The following PSME4 variants were observed in gnomAD, a reference collection of about 807,000 sequenced individuals.
PSME4 encodes the protein proteasome activator subunit 4.
Under a neutral mutation model 253.9 loss-of-function variants are expected in PSME4, and 89 were observed. The ratio of observed to expected loss-of-function variants is 0.35; its 90% confidence interval spans 0.30 to 0.42. PSME4 has a LOEUF of 0.42. Among genes scored for constraint, PSME4 ranks in the 10% least tolerant of loss-of-function variants. PSME4 has a pLI of 1.00. For synonymous variants in PSME4, 851 were observed against 759.2 expected, an observed-to-expected ratio of 1.12 and a Z score of -1.99; for missense variants, 2,014 against 2,195.2, an observed-to-expected ratio of 0.92 and a Z score of 1.65.
At chr2:53,936,710 G>T in intron 6 of PSME4, 54 bp downstream of exon 6, 1 of 1,249,346 alleles carries the variant, frequency 8.0e-7, no homozygotes, top group Non-Finnish European at 1.1e-6. Context: ...GTATGGGGGG[G>T]AAAAAAGAAA....
chr2:53,932,064 T>C lies in PSME4; in HGVS notation c.1087A>G (p.Ser363Gly). The part of the protein sequence containing the change: ...LMKLLQRLPN[S>G]VVRRLHRERY... ...TCACGATGCAATCTTCTAACAACAC[T>C]GTTTGGCAACCGCTGAAGTAGTTTC... Residue 363 changes from serine (S) to glycine (G), a missense_variant, in exon 10 of 47, where the codon AGT becomes GGT. Transcript: ENST00000404125. 1 of 1,614,122 alleles carries C rather than the reference T, an allele frequency of 6.2e-7. No individual in the cohort carries two copies. Among genetic ancestry groups the C allele is most frequent in the Admixed American group, 1.7e-5 (1 of 60,012 alleles).
At chr2:53,897,068 C>T (rs1365547181) in intron 31 of PSME4, among the ~76,000 whole-genome samples, 183 bp from the exon 32 acceptor site, 1 of 152,124 alleles carries the variant, frequency 6.6e-6, no homozygotes, top group South Asian at 2.1e-4. Flanking sequence ...GCAGTTCTTA[C>T]TCTACAGTCT....
chr2:53,938,636 T>A (rs942010592), intron 4 of PSME4, among the ~76,000 whole-genome samples: 1 of 152,112 alleles, frequency 6.6e-6, no homozygotes, highest in Admixed American at 6.5e-5. Context: ...ACAAACAGCA[T>A]ATGAAAAATT....
At chr2:53,931,270 C>CA (rs908665524) in intron 10 of PSME4, among the ~76,000 whole-genome samples, 76 of 146,060 alleles carry the variant, frequency 5.2e-4, no homozygotes, top group African/African-American at 1.5e-3. Flanking sequence ...AATTTCATCT[C>CA]AAAAAAAAAA....
intron 3 of PSME4, among the ~76,000 whole-genome samples, chr2:53,942,567 T>C (rs146867191): frequency 0.011 from 1,744 of 152,202 alleles, 34 homozygotes; most frequent in African/African-American, 0.039. Flanking sequence ...AGTTATATTA[T>C]AGCTGTTTTC....
At chr2:53,921,941 G>C (rs997764600) in intron 17 of PSME4, among the ~76,000 whole-genome samples, 10 of 151,136 alleles carry the variant, frequency 6.6e-5, no homozygotes, top group African/African-American at 2.4e-4. Context: ...GGGAGGCTGA[G>C]GCAGGCGGAT....
chr2:53,967,797 C>G (rs805308), intron 1 of PSME4, among the ~76,000 whole-genome samples: 82,388 of 151,726 alleles, frequency 0.54, 22,660 homozygotes, highest in East Asian at 0.71. Flanking sequence ...GATAGTCCCA[C>G]TAACTCTCAA....
At chr2:53,919,780 A>T (rs1668214846) in intron 19 of PSME4, among the ~76,000 whole-genome samples, 1 of 152,264 alleles carries the variant, frequency 6.6e-6, no homozygotes, top group Admixed American at 6.5e-5. Context: ...TAATGGTTTC[A>T]AATACTTATT....
chr2:53,878,913 G>A (rs1195311209), intron 41 of PSME4, among the ~76,000 whole-genome samples: 1 of 152,062 alleles, frequency 6.6e-6, no homozygotes, highest in Non-Finnish European at 1.5e-5. Context: ...GGAAGTACGC[G>A]ATCTCTGTGA....
chr2:53,868,903 A>G (rs144687262), intron 44 of PSME4, among the ~76,000 whole-genome samples: 2 of 152,136 alleles, frequency 1.3e-5, no homozygotes, highest in African/African-American at 2.4e-5. Flanking sequence ...TCTTGTGTCT[A>G]TATTCAATTA....
chr2:53,957,116 T>A (rs35871796), intron 1 of PSME4, among the ~76,000 whole-genome samples: 154 of 152,298 alleles, frequency 1.0e-3, no homozygotes, highest in Admixed American at 2.7e-3. Context: ...CTGCCACTCC[T>A]ACAGGCACTC....
chr2:53,900,179 A>G (rs540848896), intron 28 of PSME4, among the ~76,000 whole-genome samples, 162 bp from the exon 29 acceptor site: 477 of 152,290 alleles, frequency 3.1e-3, no homozygotes, highest in Non-Finnish European at 5.0e-3. Context: ...AAATTTATTG[A>G]CAGAGAAAGT....
chr2:53,944,671 T>C (rs894527277), intron 3 of PSME4, among the ~76,000 whole-genome samples: 8 of 152,162 alleles, frequency 5.3e-5, no homozygotes, highest in African/African-American at 1.9e-4. Context: ...ATATCATCCA[T>C]GAGCTGCTGG....
rs2104449825 is a variant in PSME4 at position 53,919,189 on chromosome 2, G to A, written c.2478C>T (p.Asn826=). The A allele has an allele frequency of 1.2e-6, 2 of 1,611,868 alleles. No individual in the cohort carries two copies. Among genetic ancestry groups the A allele is most frequent in the Non-Finnish European group, 1.7e-6 (2 of 1,179,142 alleles). Residue 826 remains asparagine, a synonymous_variant, in exon 20 of 47, where the codon AAC becomes AAT. Transcript: ENST00000404125. ...IVHNCLIGSG[N]LLPPLKGEPV... is the part of the protein sequence containing the mutation. The stretch of plus-strand genomic sequence containing the variant: ...GCTCTCCTTTCAACGGAGGTAGGAG[G>A]TTTCCAGAGCCAATTAAACAGTTGT...
rs546363570 is a variant in PSME4 at position 53,954,045 on chromosome 2, G to C, written c.243-4762C>G. Among the ~76,000 whole-genome samples the C allele has an allele frequency of 2.6e-5, 4 of 152,296 alleles. No individual in the cohort carries two copies. The East Asian group carries it at 7.7e-4, about 29-fold the overall frequency. On this transcript the variant is annotated intron_variant, in intron 1 of 46. Transcript: ENST00000404125. ...TTTTTAATCATAAGAAAGACAGTGG[G>C]CTGGCCGGGCGCGGTGGCTCACGCC...
At chr2:53,946,882 C>G (rs1373505136) in intron 3 of PSME4, among the ~76,000 whole-genome samples, 1 of 151,808 alleles carries the variant, frequency 6.6e-6, no homozygotes, top group Non-Finnish European at 1.5e-5. Flanking sequence ...CCACTGCACT[C>G]CAGCCTAGGC....
chr2:53,872,808 C>T (rs1197804322), intron 43 of PSME4, among the ~76,000 whole-genome samples: 1 of 136,732 alleles, frequency 7.3e-6, no homozygotes, highest in African/African-American at 2.7e-5. Flanking sequence ...CTCCTAAATG[C>T]AAGCGGTATA....
intron 20 of PSME4, among the ~76,000 whole-genome samples, chr2:53,916,876 G>A (rs188333632): frequency 9.2e-5 from 14 of 151,992 alleles, no homozygotes; most frequent in Non-Finnish European, 1.9e-4. Flanking sequence ...AAAAGTCAAA[G>A]GAAGACGGAA....
intron 19 of PSME4, among the ~76,000 whole-genome samples, chr2:53,919,825 AT>A (rs1005240448): frequency 1.3e-5 from 2 of 152,114 alleles, no homozygotes; most frequent in African/African-American, 2.4e-5. Context: ...GGAAAAAAAA[AT>A]CTCATAAAAA....
Sources: gnomAD v4.1 joint callset for allele counts (sites outside exome capture counted in the v4.1 genomes callset) on GRCh38, gnomAD v4.1.1 for gene constraint, MANE v1.5 for transcripts, NCBI Gene and HGNC (gene_info 2026-07-23, HGNC 2026-07-21) for gene names.